UBE4B: variants seen among roughly 807,000 people sequenced by gnomAD.
UBE4B encodes ubiquitin conjugation factor E4 B.
In UBE4B, 27 loss-of-function variants were observed where a neutral mutation model predicts 148.1. The observed-to-expected ratio is 0.18, with a 90% confidence interval of 0.13 to 0.25. UBE4B has a LOEUF of 0.25. Ranked by LOEUF, UBE4B falls within the 10% of genes least tolerant of loss-of-function variation. UBE4B has a pLI of 1.00. For synonymous variants in UBE4B, 596 were observed against 619.3 expected (o/e 0.96, Z 0.56); for missense variants, 1,170 against 1,662.4 (o/e 0.70, Z 5.15).
At chr1:10,178,506 T>A in intron 25 of UBE4B, 138 bp from the exon 26 acceptor site, 1 of 745,804 alleles carries the variant, frequency 1.3e-6, no homozygotes, top group Non-Finnish European at 2.1e-6. Context: ...ATATAAAATA[T>A]ATAAGTGTAT....
chr1:10,176,461 ATG>A (rs1646430411), intron 25 of UBE4B, among the ~76,000 whole-genome samples: 1 of 152,196 alleles, frequency 6.6e-6, no homozygotes, highest in South Asian at 2.1e-4. Flanking sequence ...CCCACTGGCA[ATG>A]TATAAGGTTT....
At position 10,106,586 on chromosome 1, in the gene UBE4B, AT is replaced by A. The variant is rs1557558609; in HGVS notation, c.1196+6del. ...TCCTCCCTGAGGATCTCTCCTAGGT[AT>A]TTATCCCACAGGAGAGTTGCATGTG... On this transcript the variant is annotated splice_donor_region_variant and intron_variant, in intron 7 of 27. Transcript: ENST00000343090. The surrounding 1 kb of genome is among the most constrained non-coding windows in gnomAD (Gnocchi z 4.2). 6.5e-7 allele frequency: 1 copy of A among 1,539,738 alleles called. No individual in the cohort carries two copies. Among genetic ancestry groups the A allele is most frequent in the Non-Finnish European group, 8.7e-7 (1 of 1,151,768 alleles).
At chr1:10,044,315 A>G (rs1392520042) in intron 1 of UBE4B, among the ~76,000 whole-genome samples, 1 of 152,112 alleles carries the variant, frequency 6.6e-6, no homozygotes, top group East Asian at 1.9e-4. Flanking sequence ...TCGGCCTCCC[A>G]AAGTGCTAGG....
At chr1:10,124,938 C>A (rs1338689827) in intron 10 of UBE4B, among the ~76,000 whole-genome samples, 1 of 152,060 alleles carries the variant, frequency 6.6e-6, no homozygotes, top group Non-Finnish European at 1.5e-5. Context: ...CCAGGCTGGG[C>A]AACATGGCAA....
At chr1:10,137,303 G>T in intron 17 of UBE4B, 98 bp downstream of exon 17, 1 of 1,503,922 alleles carries the variant, frequency 6.6e-7, no homozygotes, top group Non-Finnish European at 9.2e-7. Flanking sequence ...AATGTTGGGG[G>T]AGGTATGTAC....
intron 17 of UBE4B, among the ~76,000 whole-genome samples, 182 bp downstream of exon 17, chr1:10,137,387 A>C (rs1212500048): frequency 6.6e-6 from 1 of 152,168 alleles, no homozygotes. Flanking sequence ...TACCTGGTGA[A>C]GTGATCCAAA....
intron 1 of UBE4B, among the ~76,000 whole-genome samples, chr1:10,047,736 C>T (rs865812121): frequency 6.6e-6 from 1 of 152,130 alleles, no homozygotes; most frequent in South Asian, 2.1e-4. Flanking sequence ...TCATGACCCA[C>T]CCGCCTCGGC....
At chr1:10,075,356 C>A (rs577559188) in intron 2 of UBE4B, among the ~76,000 whole-genome samples, 5 of 152,186 alleles carry the variant, frequency 3.3e-5, no homozygotes, top group Non-Finnish European at 7.3e-5. Flanking sequence ...TCACCTCCAC[C>A]GCTATTACCC....
intron 22 of UBE4B, among the ~76,000 whole-genome samples, chr1:10,159,546 G>A (rs1294767210): frequency 2.0e-5 from 3 of 152,118 alleles, no homozygotes; most frequent in African/African-American, 4.8e-5. Flanking sequence ...GGTGGTGGGC[G>A]CGGTGGCGGG....
chr1:10,118,756 G>A (rs1288037875), intron 8 of UBE4B, among the ~76,000 whole-genome samples: 1 of 150,270 alleles, frequency 6.7e-6, no homozygotes, highest in Non-Finnish European at 1.5e-5. Flanking sequence ...TGCCCACCTT[G>A]GCCTCCCAAA....
At chr1:10,099,275 A>G (rs1644973029) in intron 3 of UBE4B, among the ~76,000 whole-genome samples, 1 of 152,130 alleles carries the variant, frequency 6.6e-6, no homozygotes, top group Admixed American at 6.6e-5. Flanking sequence ...TAAACTTTCT[A>G]TGTATAAATA....
intron 17 of UBE4B, among the ~76,000 whole-genome samples, chr1:10,139,611 T>C (rs1487217793): frequency 6.6e-6 from 1 of 152,222 alleles, no homozygotes; most frequent in Non-Finnish European, 1.5e-5. Flanking sequence ...TCATTACATC[T>C]TGTGTCAGTT....
At chr1:10,105,357 A>T (rs904553340) in intron 5 of UBE4B, among the ~76,000 whole-genome samples, 159 bp from the exon 6 acceptor site, 7 of 152,212 alleles carry the variant, frequency 4.6e-5, no homozygotes, top group Non-Finnish European at 8.8e-5. Flanking sequence ...AACTAAACAC[A>T]AGGCTTTATT....
chr1:10,122,814 C>G lies in UBE4B; in HGVS notation c.1554+738C>G, dbSNP rs144479054. On this transcript the variant is annotated intron_variant, in intron 10 of 27. Coordinates refer to ENST00000343090, the MANE Select transcript of UBE4B (RefSeq NM_001105562.3). ...CTTACAGTTTGCTGTATCATCACTT[C>G]CTTTTTTGTGACTACAGAGAATAAC... 1.5e-3 allele frequency among the ~76,000 whole-genome samples: 236 copies of G among 152,268 alleles called. 2 individuals are homozygous for G. The highest frequency in any genetic ancestry group is 5.3e-3 in the African/African-American group (222 of 41,556).
chr1:10,179,366 C>T, intron 26 of UBE4B, 50 bp from the exon 27 acceptor site: 1 of 1,579,088 alleles, frequency 6.3e-7, no homozygotes, highest in South Asian at 1.1e-5. Flanking sequence ...TTTTCTTTTT[C>T]AGTCGTGGGC....
At chr1:10,146,808 AG>A (rs1645880560) in intron 18 of UBE4B, among the ~76,000 whole-genome samples, 154 bp from the exon 19 acceptor site, 1 of 152,210 alleles carries the variant, frequency 6.6e-6, no homozygotes, top group South Asian at 2.1e-4. Context: ...AAAGGTCTTG[AG>A]ACACAACCAG....
At chr1:10,107,283 G>T (rs148081634) in intron 7 of UBE4B, 5 of 1,289,584 alleles carry the variant, frequency 3.9e-6, no homozygotes, top group Admixed American at 4.6e-5. Context: ...TAGTGATGAA[G>T]AAGATGAAGA....
chr1:10,055,987 C>G (rs1450761799), intron 1 of UBE4B, among the ~76,000 whole-genome samples: 1 of 152,148 alleles, frequency 6.6e-6, no homozygotes, highest in Non-Finnish European at 1.5e-5. Context: ...CTACGTTAAT[C>G]TTGTCTGTTG....
chr1:10,099,661 A>G (rs531884019), intron 3 of UBE4B, among the ~76,000 whole-genome samples: 13 of 152,342 alleles, frequency 8.5e-5, no homozygotes, highest in African/African-American at 3.1e-4. Flanking sequence ...CAAGGATAGC[A>G]AAACCTCTTA....
Sources: allele counts gnomAD v4.1 joint callset (sites outside exome capture counted in the v4.1 genomes callset), GRCh38; gene constraint gnomAD v4.1.1; non-coding constraint Gnocchi (gnomAD v3.1); transcripts MANE v1.5; gene names NCBI Gene and HGNC (gene_info 2026-07-23, HGNC 2026-07-21).